Variants in MED27 observed in about 807,000 individuals in gnomAD.
MED27 encodes mediator complex subunit 27.
A neutral mutation model predicts 38.2 loss-of-function variants in MED27; 30 were observed. The ratio of observed to expected loss-of-function variants is 0.79; its 90% confidence interval spans 0.59 to 1.07. The LOEUF is 1.07. MED27 is among the 50% of genes least tolerant of loss of function. The probability of loss-of-function intolerance (pLI) is 0.00; values close to 1 mark genes in which losing one functional copy is unlikely to be tolerated. For missense variants in MED27, 289 were observed against 397.5 expected, an observed-to-expected ratio of 0.73 and a Z score of 2.32; for synonymous variants, 122 against 153.5, an observed-to-expected ratio of 0.79 and a Z score of 1.52.
In MED27 at chr9:131,861,587, A is replaced by T. The variant is rs150956102; in HGVS notation, c.802-915T>A. 1.3e-5 allele frequency among the ~76,000 whole-genome samples: 2 copies of T among 152,280 alleles called. No homozygotes were observed. The highest frequency in any genetic ancestry group is 4.8e-5 in the African/African-American group (2 of 41,546). On this transcript the variant is annotated intron_variant, in intron 7 of 7. Transcript: ENST00000292035. The surrounding 1 kb of genome is among the most constrained non-coding windows in gnomAD (Gnocchi z 4.4). ...CAGGTGTTTGGGGGTTTTGGCAATA[A>T]ACACGAGGTCAAGAGGTCCTTCAGT...
intron 2 of MED27, among the ~76,000 whole-genome samples, chr9:132,053,236 G>A (rs1289644020): frequency 6.8e-6 from 1 of 147,652 alleles, no homozygotes; most frequent in Non-Finnish European, 1.5e-5. Flanking sequence ...CTGGGCGACA[G>A]AGCGAGACTC....
At position 131,886,579 on chromosome 9, in the gene MED27, A is replaced by C. The variant is rs181653617; in HGVS notation, c.682-2480T>G. Among the ~76,000 whole-genome samples, 487 of 152,370 alleles carry C rather than the reference A, an allele frequency of 3.2e-3. 13 individuals carry two copies. The highest frequency in any genetic ancestry group is 0.029 in the Admixed American group (443 of 15,302). On this transcript the variant is annotated intron_variant, in intron 5 of 7. Transcript: ENST00000292035. ...CCCACTGAAACCACTGGATGGAGTA[A>C]GAATTTTAAAGATCTTCCAGTGCTG... is the stretch of plus-strand genomic sequence containing the variant.
intron 3 of MED27, among the ~76,000 whole-genome samples, chr9:131,947,069 G>A (rs1830901211): frequency 6.6e-6 from 1 of 152,172 alleles, no homozygotes; most frequent in South Asian, 2.1e-4. Context: ...CCTTGTCACA[G>A]TATCTGGCAC....
At chr9:131,995,552 G>A (rs761706930) in intron 3 of MED27, among the ~76,000 whole-genome samples, 3 of 152,082 alleles carry the variant, frequency 2.0e-5, no homozygotes, top group Non-Finnish European at 2.9e-5. Flanking sequence ...AAATAGACAC[G>A]CCTTCCAACT....
chr9:131,909,499 A>C (rs564859701), intron 4 of MED27, among the ~76,000 whole-genome samples: 1 of 152,336 alleles, frequency 6.6e-6, no homozygotes, highest in African/African-American at 2.4e-5. Context: ...CCTCTTGATA[A>C]GGCAGATTCA....
chr9:132,035,670 C>T (rs1833058390), intron 2 of MED27, among the ~76,000 whole-genome samples: 1 of 152,182 alleles, frequency 6.6e-6, no homozygotes, highest in Admixed American at 6.5e-5. Context: ...ACAGTGAAAA[C>T]TCCAAGGCCT....
At chr9:131,999,922 C>T (rs1391026506) in intron 3 of MED27, among the ~76,000 whole-genome samples, 1 of 151,990 alleles carries the variant, frequency 6.6e-6, no homozygotes, top group African/African-American at 2.4e-5. Context: ...CTGAACTCCT[C>T]ACAGCAACTA....
chr9:131,885,506 G>A lies in MED27; in HGVS notation c.682-1407C>T, dbSNP rs1839124115. 2.6e-5 allele frequency among the ~76,000 whole-genome samples: 4 copies of A among 152,122 alleles called. No homozygotes were observed. In the South Asian group the frequency reaches 6.2e-4, roughly 24 times the overall value. ...GGGTAACTGACGCCCGGCTGGTCAA[G>A]AGCCCCTGCTCTAGGGCACCCCTAC... On this transcript the variant is annotated intron_variant, in intron 5 of 7. Transcript: ENST00000292035.
At chr9:131,922,762 A>G (rs897923827) in intron 4 of MED27, among the ~76,000 whole-genome samples, 9 of 151,814 alleles carry the variant, frequency 5.9e-5, no homozygotes, top group East Asian at 1.9e-4. Context: ...AGCATTAGGT[A>G]TATCTCCTAA....
intron 2 of MED27, among the ~76,000 whole-genome samples, chr9:132,044,114 G>T (rs898569538): frequency 4.6e-5 from 7 of 152,136 alleles, no homozygotes; most frequent in Non-Finnish European, 8.8e-5. Context: ...GTCACAGAGG[G>T]ACAAAGGGTA....
rs1832298669 is a variant in MED27 at position 132,003,985 on chromosome 9, C to T, written c.479+10352G>A. Among the ~76,000 whole-genome samples the T allele has an allele frequency of 1.3e-5, 2 of 150,524 alleles. No individual in the cohort carries two copies. The highest frequency in any genetic ancestry group is 2.1e-4 in the South Asian group (1 of 4,742). On this transcript the variant is annotated intron_variant, in intron 3 of 7. Transcript: ENST00000292035. This position sits in a 1 kb window ranked among gnomAD's most constrained non-coding sequence, Gnocchi z 4.2. ...GAGTGAACATACACACACACACATA[C>T]ACAGAAATTCTCTCCTCACTCTGTC... is the stretch of plus-strand genomic sequence containing the variant.
intron 5 of MED27, among the ~76,000 whole-genome samples, chr9:131,886,294 G>C (rs1286683993): frequency 6.6e-6 from 1 of 152,200 alleles, no homozygotes; most frequent in Non-Finnish European, 1.5e-5. Flanking sequence ...ATGATTCTGA[G>C]GAGGCCACTC....
At chr9:131,940,051 C>A (rs1321464493) in intron 3 of MED27, among the ~76,000 whole-genome samples, 3 of 151,786 alleles carry the variant, frequency 2.0e-5, no homozygotes, top group Non-Finnish European at 2.9e-5. Context: ...GGACTACAGG[C>A]GATCCCCACC....
At chr9:132,079,589 C>T (rs1241371660) in intron 1 of MED27, 53 bp downstream of exon 1, 1 of 1,564,392 alleles carries the variant, frequency 6.4e-7, no homozygotes. Context: ...GACGTAGGGG[C>T]AGGGTCGGAG....
chr9:132,078,083 G>A (rs1374479504), intron 1 of MED27, among the ~76,000 whole-genome samples: 1 of 152,176 alleles, frequency 6.6e-6, no homozygotes. Flanking sequence ...ACAAAGAAGA[G>A]ATAAAATAAA....
intron 3 of MED27, among the ~76,000 whole-genome samples, chr9:131,941,719 T>C (rs1340751728): frequency 6.6e-6 from 1 of 151,122 alleles, no homozygotes; most frequent in Non-Finnish European, 1.5e-5. Flanking sequence ...ATCTCCTATC[T>C]CTCAAAAGCA....
intron 5 of MED27, among the ~76,000 whole-genome samples, chr9:131,888,406 C>G (rs1839175807): frequency 6.6e-6 from 1 of 152,188 alleles, no homozygotes; most frequent in Non-Finnish European, 1.5e-5. Flanking sequence ...AGACTGCCTT[C>G]CAGTTAGACA....
intron 4 of MED27, among the ~76,000 whole-genome samples, chr9:131,907,772 G>A (rs1016340475): frequency 3.6e-4 from 54 of 151,284 alleles, no homozygotes; most frequent in African/African-American, 1.2e-3. Flanking sequence ...TAGGAATTGA[G>A]GAGCGCCTCT....
At chr9:131,874,902 A>G (rs1256392890) in intron 6 of MED27, among the ~76,000 whole-genome samples, 1 of 152,230 alleles carries the variant, frequency 6.6e-6, no homozygotes, top group Non-Finnish European at 1.5e-5. Flanking sequence ...CTGCAGTCAG[A>G]GAAACATCCA....
Sources: allele counts gnomAD v4.1 joint callset (sites outside exome capture counted in the v4.1 genomes callset), GRCh38; gene constraint gnomAD v4.1.1; non-coding constraint Gnocchi (gnomAD v3.1); transcripts MANE v1.5; gene names NCBI Gene and HGNC (gene_info 2026-07-23, HGNC 2026-07-21).